Variants in ALDH1L1 observed in about 807,000 individuals in gnomAD.
The protein encoded by ALDH1L1 is aldehyde dehydrogenase 1 family member L1, also known as cytosolic 10-formyltetrahydrofolate dehydrogenase.
ALDH1L1 carries 68 observed loss-of-function variants against 101.1 expected under a neutral mutation model. The ratio of observed to expected loss-of-function variants is 0.67; its 90% CI spans 0.55 to 0.82. ALDH1L1 has a LOEUF of 0.82. ALDH1L1 is among the 40% of genes least tolerant of loss of function. The probability of loss-of-function intolerance (pLI) is 0.00; values close to 1 mark genes in which losing one functional copy is unlikely to be tolerated. For missense variants in ALDH1L1, 1,087 were observed against 1,172.7 expected, an observed-to-expected ratio of 0.93 and a Z score of 1.07; for synonymous variants, 486 against 470.8, an observed-to-expected ratio of 1.03 and a Z score of -0.42.
At chr3:126,105,969 G>A in intron 21 of ALDH1L1, 44 bp from the exon 22 acceptor site, 2 of 1,589,832 alleles carry the variant, frequency 1.3e-6, no homozygotes, top group East Asian at 2.2e-5. Flanking sequence ...GAGGTGCAGA[G>A]GAGAGCCTGG....
rs779781215 is a variant in ALDH1L1 at position 126,135,630 on chromosome 3, G to T, written c.1377C>A (p.Thr459=). The part of the protein sequence containing the change: ...VICQVSLAQV[T]DVDKAVAAAK... ...CTGCGGCCACTGCCTTGTCGACGTC[G>T]GTGACTTGGGCCAGGGATACCTGGC... The change falls in exon 12 of 23, where the codon ACC becomes ACA. Residue 459 remains threonine (T), a synonymous_variant. Transcript: ENST00000393434. The T allele has an allele frequency of 8.9e-6, 14 of 1,580,572 alleles. No homozygotes were observed. The highest frequency in any genetic ancestry group is 1.2e-5 in the Non-Finnish European group (14 of 1,163,190).
Position 126,107,125 on chromosome 3 carries a change from C to A in ALDH1L1, c.2453+16G>T. 3 of 1,609,578 alleles carry A rather than the reference C, an allele frequency of 1.9e-6. No individual in the cohort carries two copies. The highest frequency in any genetic ancestry group is 2.6e-6 in the Non-Finnish European group (3 of 1,175,994). ...GAGAGAGTCAGGGCCCTTGAGACAT[C>A]AGCAGGATTCCCTACCCATCAGCAA... On this transcript the variant is annotated intron_variant, in intron 21 of 22. Transcript: ENST00000393434.
intron 10 of ALDH1L1, 34 bp from the exon 11 acceptor site, chr3:126,136,917 C>A (rs751483037): frequency 1.9e-6 from 3 of 1,612,640 alleles, no homozygotes; most frequent in Non-Finnish European, 2.5e-6. Flanking sequence ...AGCACAAACC[C>A]ATGCAGGGTG....
At chr3:126,192,184 G>A (rs988481213) in intron 1 of ALDH1L1, among the ~76,000 whole-genome samples, 19 of 152,098 alleles carry the variant, frequency 1.2e-4, no homozygotes, top group Non-Finnish European at 2.4e-4. Context: ...CTCGTAAATC[G>A]TGAACAAATC....
intron 9 of ALDH1L1, among the ~76,000 whole-genome samples, chr3:126,142,201 T>C (rs1270308821): frequency 6.7e-6 from 1 of 148,726 alleles, no homozygotes; most frequent in Non-Finnish European, 1.5e-5. Flanking sequence ...GAATCAGTAA[T>C]CAAAATCTTT....
At chr3:126,118,812 C>T (rs1287420418) in intron 16 of ALDH1L1, among the ~76,000 whole-genome samples, 1 of 152,122 alleles carries the variant, frequency 6.6e-6, no homozygotes, top group Non-Finnish European at 1.5e-5. Context: ...AGAGGCCTTG[C>T]CACCTGCTGT....
intron 1 of ALDH1L1, among the ~76,000 whole-genome samples, chr3:126,193,039 A>G (rs1331822509): frequency 6.6e-6 from 1 of 152,220 alleles, no homozygotes; most frequent in East Asian, 1.9e-4. Context: ...TGGTTGAAGT[A>G]TGGCTGCTGG....
chr3:126,195,697 G>C (rs2081577818), intron 1 of ALDH1L1, among the ~76,000 whole-genome samples: 1 of 152,188 alleles, frequency 6.6e-6, no homozygotes, highest in African/African-American at 2.4e-5. Context: ...CAATAGCAAA[G>C]ACTTGGAACC....
At position 126,137,812 on chromosome 3, in the gene ALDH1L1, C is replaced by T. The variant is rs151039331; in HGVS notation, c.1224+1G>A. 26 of 1,613,318 alleles carry T rather than the reference C, an allele frequency of 1.6e-5. No homozygotes were observed. The highest frequency in any genetic ancestry group is 2.0e-5 in the Non-Finnish European group (24 of 1,179,726). ...TGCTGCAGGGAGGGCCCAGCACTCA[C>T]GTAGTCAATGCTGCACTCGCCCTCC... is the stretch of plus-strand genomic sequence containing the variant. On this transcript the variant is annotated splice_donor_variant, in intron 10 of 22. Coordinates refer to ENST00000393434, the MANE Select transcript of ALDH1L1 (RefSeq NM_012190.4). LOFTEE classifies it high-confidence loss of function.
At chr3:126,126,673 G>C (rs2080193458) in intron 14 of ALDH1L1, among the ~76,000 whole-genome samples, 1 of 152,166 alleles carries the variant, frequency 6.6e-6, no homozygotes, top group Admixed American at 6.5e-5. Flanking sequence ...ACAGTGAACG[G>C]GGCTGAGGGG....
intron 1 of ALDH1L1, among the ~76,000 whole-genome samples, chr3:126,195,968 G>T (rs1053463012): frequency 3.3e-5 from 5 of 152,176 alleles, no homozygotes; most frequent in Admixed American, 6.5e-5. Context: ...GTCATGGGGT[G>T]GGGGAAGAGG....
intron 8 of ALDH1L1, among the ~76,000 whole-genome samples, chr3:126,147,364 G>T (rs2080716374): frequency 6.6e-6 from 1 of 152,246 alleles, no homozygotes; most frequent in Non-Finnish European, 1.5e-5. Context: ...GTAGCAGCAG[G>T]CTGGAGACAG....
chr3:126,146,313 C>A (rs1559949263), intron 9 of ALDH1L1, among the ~76,000 whole-genome samples: 1 of 152,136 alleles, frequency 6.6e-6, no homozygotes, highest in African/African-American at 2.4e-5. Flanking sequence ...CCTCCTGGAA[C>A]CCACCACCAC....
intron 1 of ALDH1L1, among the ~76,000 whole-genome samples, chr3:126,161,226 G>A (rs41266451): frequency 0.12 from 17,707 of 152,236 alleles, 1,136 homozygotes; most frequent in Non-Finnish European, 0.14. Context: ...TATTCAATGC[G>A]ACAGCAGGTG....
At chr3:126,125,882 G>A (rs1242271960) in intron 14 of ALDH1L1, among the ~76,000 whole-genome samples, 161 bp from the exon 15 acceptor site, 3 of 152,212 alleles carry the variant, frequency 2.0e-5, no homozygotes, top group Admixed American at 1.3e-4. Context: ...CACGCCTGCT[G>A]TTTCTGTCCT....
At chr3:126,144,603 G>A (rs1001735474) in intron 9 of ALDH1L1, among the ~76,000 whole-genome samples, 2 of 152,192 alleles carry the variant, frequency 1.3e-5, no homozygotes, top group African/African-American at 4.8e-5. Context: ...TAATGGGGAA[G>A]CGATAGTCCC....
chr3:126,180,409 G>C (rs1368463770), intron 1 of ALDH1L1, 67 bp downstream of exon 1: 1 of 982,012 alleles, frequency 1.0e-6, no homozygotes, highest in Non-Finnish European at 1.2e-6. Context: ...CGGAGCCCCC[G>C]GAGCTGCAGC....
chr3:126,171,665 C>T (rs1166681990), intron 1 of ALDH1L1, among the ~76,000 whole-genome samples: 1 of 152,152 alleles, frequency 6.6e-6, no homozygotes, highest in Admixed American at 6.5e-5. Flanking sequence ...TTTTTCTCAA[C>T]ATATCTACCC....
intron 14 of ALDH1L1, among the ~76,000 whole-genome samples, chr3:126,126,716 C>T (rs553691429): frequency 6.6e-6 from 1 of 152,322 alleles, no homozygotes; most frequent in African/African-American, 2.4e-5. Flanking sequence ...AGAAAAGCCC[C>T]ACAATTATGT....
Sources: allele counts gnomAD v4.1 joint callset (sites outside exome capture counted in the v4.1 genomes callset), GRCh38; gene constraint gnomAD v4.1.1; transcripts MANE v1.5; gene names NCBI Gene and HGNC (gene_info 2026-07-23, HGNC 2026-07-21).